Variants in TBCD observed in about 807,000 individuals in gnomAD.
TBCD encodes the protein tubulin folding cofactor D, also known as tubulin-specific chaperone D.
TBCD carries 105 observed loss-of-function variants against 169.3 expected under a neutral mutation model. The ratio of observed to expected loss-of-function variants is 0.62; its 90% confidence interval spans 0.53 to 0.73. The LOEUF (loss-of-function observed/expected upper bound fraction) is 0.73. Among genes scored for constraint, TBCD ranks in the 30% least tolerant of loss-of-function variants. TBCD has a pLI of 0.00. For missense variants in TBCD, 1,444 were observed against 1,600.1 expected, an observed-to-expected ratio of 0.90 and a Z score of 1.66; for synonymous variants, 700 against 643.9, an observed-to-expected ratio of 1.09 and a Z score of -1.32.
chr17:82,905,918 C>T lies in TBCD; in HGVS notation c.1805-18C>T, dbSNP rs746648556. The T allele has an allele frequency of 9.4e-6, 15 of 1,594,276 alleles. No individual in the cohort carries two copies. The highest frequency in any genetic ancestry group is 1.7e-4 in the Middle Eastern group (1 of 6,012). ...ATGTACACACCCTCACCTGCCCTCT[C>T]GGCCCTGTCTCTTGCAGTCTTCCCG... On this transcript the variant is annotated intron_variant, in intron 19 of 38. Coordinates refer to ENST00000355528, the MANE Select transcript of TBCD (RefSeq NM_005993.5).
chr17:82,911,155 T>C (rs972139338), intron 22 of TBCD, among the ~76,000 whole-genome samples: 6 of 152,210 alleles, frequency 3.9e-5, no homozygotes, highest in Admixed American at 6.5e-5. Context: ...CCTCCTGGTG[T>C]TGGAGCCAGC....
Position 82,807,602 on chromosome 17 carries a change from C to G in TBCD, c.1088-6C>G. ...TCTGTCACGCATCACCTTCCTCTTC[C>G]TACAGAGCAGCTGCTGGTCGGGCTG... On this transcript the variant is annotated splice_region_variant and splice_polypyrimidine_tract_variant and intron_variant, in intron 10 of 38. Coordinates refer to ENST00000355528, the MANE Select transcript of TBCD (RefSeq NM_005993.5). 1 of 1,525,090 alleles carries G rather than the reference C, an allele frequency of 6.6e-7. No individual in the cohort carries two copies. The highest frequency in any genetic ancestry group is 8.8e-7 in the Non-Finnish European group (1 of 1,134,208). 94.5% of individuals were successfully genotyped at this position (1,525,090 alleles called of 1,614,324 possible). A position where few individuals can be genotyped will look rare whatever the true frequency, so the allele number is the denominator to read the frequency against.
intron 13 of TBCD, among the ~76,000 whole-genome samples, chr17:82,825,980 A>G (rs1020483291): frequency 1.3e-5 from 2 of 152,240 alleles, no homozygotes; most frequent in Admixed American, 6.5e-5. Context: ...ACAATTTCAT[A>G]GGCAAGTTTT....
At chr17:82,823,573 G>A (rs866377142) in intron 13 of TBCD, among the ~76,000 whole-genome samples, 3 of 145,088 alleles carry the variant, frequency 2.1e-5, no homozygotes, top group Middle Eastern at 3.4e-3. Context: ...TTGGCTGAAC[G>A]TTAACACTGG....
intron 38 of TBCD, chr17:82,942,096 GC>G: frequency 2.4e-6 from 1 of 418,068 alleles, no homozygotes; most frequent in East Asian, 5.2e-5. Flanking sequence ...TCAGGACACA[GC>G]CTCCCCCATT....
intron 17 of TBCD, among the ~76,000 whole-genome samples, chr17:82,896,461 T>TC: frequency 7.1e-6 from 1 of 141,326 alleles, no homozygotes; most frequent in East Asian, 2.0e-4. Flanking sequence ...CAGTTTTTTT[T>TC]TTTTTTTTTT....
intron 13 of TBCD, among the ~76,000 whole-genome samples, chr17:82,828,578 C>T (rs2053159877): frequency 2.0e-5 from 3 of 148,060 alleles, no homozygotes; most frequent in Non-Finnish European, 3.0e-5. Flanking sequence ...ACGTGCACAC[C>T]CACACAATTG....
chr17:82,845,430 CGGCCCGGCCCCTTCCTCTCCATCTCGTCT>C (rs2054945319), intron 13 of TBCD, among the ~76,000 whole-genome samples: 1 of 145,542 alleles, frequency 6.9e-6, no homozygotes, highest in Admixed American at 6.9e-5. Context: ...CCATCTTGTC[CGGCCCGGCCCCTTCCTCTCCATCTCGTCT>C]GGCCCGGCCC....
chr17:82,895,035 A>C (rs1327899733), intron 17 of TBCD, among the ~76,000 whole-genome samples: 4 of 152,234 alleles, frequency 2.6e-5, no homozygotes, highest in Non-Finnish European at 5.9e-5. Flanking sequence ...CCTGACAGCT[A>C]TGGGAAGCTT....
intron 14 of TBCD, chr17:82,877,051 A>T: frequency 1.2e-6 from 1 of 837,916 alleles, no homozygotes; most frequent in Non-Finnish European, 1.4e-6. Context: ...AATGTTCCAC[A>T]CTTTAAATAT....
chr17:82,839,195 CTGT>C, intron 13 of TBCD, among the ~76,000 whole-genome samples: 1 of 152,318 alleles, frequency 6.6e-6, no homozygotes, highest in East Asian at 1.9e-4. Context: ...AAATTCGGCA[CTGT>C]CTAATGTGCA....
chr17:82,788,078 A>G (rs547401456), intron 7 of TBCD, among the ~76,000 whole-genome samples: 1 of 152,250 alleles, frequency 6.6e-6, no homozygotes, highest in East Asian at 1.9e-4. Flanking sequence ...CTCTACTAAA[A>G]ATACAAAAAA....
At chr17:82,792,308 C>CA (rs79198926) in intron 7 of TBCD, among the ~76,000 whole-genome samples, 110 of 118,962 alleles carry the variant, frequency 9.2e-4, no homozygotes, top group Admixed American at 9.8e-4. Context: ...ACTCCGTCTC[C>CA]AAAAAAAAAA....
rs769424474 is a variant in TBCD, at chr17:82,870,424, G to C, written c.1475+44G>C. On this transcript the variant is annotated intron_variant, in intron 14 of 38. Coordinates refer to ENST00000355528, the MANE Select transcript of TBCD (RefSeq NM_005993.5). ...GTACATCGGATGCGCCGTGCCCCCT[G>C]ACGGCGCCGTGTGTCGTTTCCTCCA... 4.9e-5 allele frequency: 78 copies of C among 1,593,104 alleles called. 4 individuals carry two copies. In the South Asian group the frequency reaches 8.6e-4, roughly 18 times the overall value.
intron 13 of TBCD, among the ~76,000 whole-genome samples, chr17:82,836,979 T>A (rs2054041446): frequency 6.6e-6 from 1 of 152,140 alleles, no homozygotes; most frequent in South Asian, 2.1e-4. Flanking sequence ...AGGGAATTGG[T>A]GTCGATATGG....
At chr17:82,932,837 ATCTTCC>A in intron 34 of TBCD, 102 bp downstream of exon 34, 6 of 1,207,630 alleles carry the variant, frequency 5.0e-6, no homozygotes, top group Non-Finnish European at 7.1e-6. Context: ...CCAGGAAATG[ATCTTCC>A]AGTGCGTTCT....
At chr17:82,852,217 G>A (rs925117328) in intron 13 of TBCD, among the ~76,000 whole-genome samples, 6 of 148,656 alleles carry the variant, frequency 4.0e-5, no homozygotes, top group Non-Finnish European at 8.9e-5. Flanking sequence ...GACATTTCCT[G>A]TGAATGGAAC....
At chr17:82,926,855 C>G in intron 28 of TBCD, 1 of 496,694 alleles carries the variant, frequency 2.0e-6, no homozygotes, top group Non-Finnish European at 3.6e-6. Flanking sequence ...TGCAGGCACA[C>G]AAGAGGAGCA....
chr17:82,939,045 G>A (rs566394721), intron 36 of TBCD: 6 of 388,276 alleles, frequency 1.5e-5, no homozygotes, highest in African/African-American at 1.3e-4. Flanking sequence ...TGAGGGAGCA[G>A]GTTAGTTAAT....
Sources: allele counts gnomAD v4.1 joint callset (sites outside exome capture counted in the v4.1 genomes callset), GRCh38; gene constraint gnomAD v4.1.1; transcripts MANE v1.5; gene names NCBI Gene and HGNC (gene_info 2026-07-23, HGNC 2026-07-21).